The following EBF3 variants were observed in gnomAD, a reference collection of about 807,000 sequenced individuals.
The protein encoded by EBF3 is EBF transcription factor 3.
EBF3 carries 18 observed loss-of-function variants against 77.1 expected under a neutral mutation model. That is an observed-to-expected ratio of 0.23 (90% confidence interval 0.16 to 0.35). The LOEUF (loss-of-function observed/expected upper bound fraction) is 0.35, where lower values mean the gene tolerates loss of function less well. Among genes scored for constraint, EBF3 ranks in the 10% least tolerant of loss-of-function variants. The probability of loss-of-function intolerance (pLI) is 1.00; values close to 1 mark genes in which losing one functional copy is unlikely to be tolerated. For synonymous variants in EBF3, 350 were observed against 343.5 expected, an observed-to-expected ratio of 1.02 and a Z score of -0.21; for missense variants, 558 against 860.0, an observed-to-expected ratio of 0.65 and a Z score of 4.39.
At chr10:129,867,412 G>C in intron 9 of EBF3, 145 bp from the exon 10 acceptor site, 1 of 1,316,450 alleles carries the variant, frequency 7.6e-7, no homozygotes, top group Non-Finnish European at 1.0e-6. Flanking sequence ...CAGAGTCCCG[G>C]GACCTACAGT....
rs531044315 is a variant in EBF3, at chr10:129,943,928, G to A, written c.554+13330C>T. Among the ~76,000 whole-genome samples, 21 of 152,270 alleles carry A rather than the reference G, an allele frequency of 1.4e-4. No individual in the cohort carries two copies. The highest frequency in any genetic ancestry group is 1.0e-3 in the South Asian group (5 of 4,824). On this transcript the variant is annotated intron_variant, in intron 6 of 16. Coordinates refer to ENST00000440978, the MANE Select transcript of EBF3 (RefSeq NM_001375380.1). The surrounding 1 kb of genome is among the most constrained non-coding windows in gnomAD (Gnocchi z 8.8). ...CGTAAAATGCTCGGTAAAACCAGTC[G>A]CTCTGAGGGTGCAGCGCGTGTGTCC...
rs71481019 is a variant in EBF3 at position 129,917,651 on chromosome 10, C to CAAAAAAAAAAAAAA, written c.554+39593_554+39606dup. Among the ~76,000 whole-genome samples the CAAAAAAAAAAAAAA allele has an allele frequency of 8.9e-4, 21 of 23,596 alleles. 1 individual carries two copies. The highest frequency in any genetic ancestry group is 1.6e-3 in the Admixed American group (2 of 1,280). 15.5% of individuals were successfully genotyped at this position (23,596 alleles called of 152,430 possible). On this transcript the variant is annotated intron_variant, in intron 6 of 16. Coordinates refer to ENST00000440978, the MANE Select transcript of EBF3 (RefSeq NM_001375380.1). ...TGGGCACCACAGCAAGACCCTGCCT[C>CAAAAAAAAAAAAAA]AAAAAAAAAAAAAAAAAAAAAAAAA...
chr10:129,950,061 C>A (rs1325401774), intron 6 of EBF3, among the ~76,000 whole-genome samples: 1 of 149,788 alleles, frequency 6.7e-6, no homozygotes, highest in Non-Finnish European at 1.5e-5. Flanking sequence ...GCAGGGGCGG[C>A]GGCTGGAGCT....
intron 11 of EBF3, among the ~76,000 whole-genome samples, chr10:129,844,630 A>G (rs956710624): frequency 6.6e-6 from 1 of 152,062 alleles, no homozygotes; most frequent in African/African-American, 2.4e-5. Flanking sequence ...TACGGGCATC[A>G]CTTTTTGTGC....
At chr10:129,909,429 G>T (rs1051868117) in intron 6 of EBF3, among the ~76,000 whole-genome samples, 3 of 152,226 alleles carry the variant, frequency 2.0e-5, no homozygotes, top group Non-Finnish European at 4.4e-5. Flanking sequence ...TGCTGGAAAA[G>T]TAGATGGCCC....
At chr10:129,878,531 C>T (rs1009492033) in intron 6 of EBF3, among the ~76,000 whole-genome samples, 61 of 151,594 alleles carry the variant, frequency 4.0e-4, no homozygotes, top group African/African-American at 1.5e-3. Flanking sequence ...CAGCCAGGTG[C>T]GGTGGCATGT....
At chr10:129,840,800 A>C (rs1564814216) in intron 14 of EBF3, 44 bp downstream of exon 14, 1 of 1,586,426 alleles carries the variant, frequency 6.3e-7, no homozygotes, top group African/African-American at 1.3e-5. Flanking sequence ...CTCGGTAGTG[A>C]ATATGAATCT....
rs761542587 is a variant in EBF3, at chr10:129,885,790, G to A, written c.555-7941C>T. Among the ~76,000 whole-genome samples, 1 of 152,116 alleles carries A rather than the reference G, an allele frequency of 6.6e-6. No individual in the cohort carries two copies. The highest frequency in any genetic ancestry group is 1.5e-5 in the Non-Finnish European group (1 of 68,038). ...TTAAGAAAAATGCCAGCATCACTTG[G>A]CTCACAACAGACGCACCCCCCTGAC... On this transcript the variant is annotated intron_variant, in intron 6 of 16. Coordinates refer to ENST00000440978, the MANE Select transcript of EBF3 (RefSeq NM_001375380.1). This position sits in a 1 kb window ranked among gnomAD's most constrained non-coding sequence, Gnocchi z 4.0.
intron 5 of EBF3, among the ~76,000 whole-genome samples, chr10:129,958,102 C>T (rs956176050): frequency 2.6e-5 from 4 of 152,148 alleles, no homozygotes. Flanking sequence ...AGAAATTCCA[C>T]TTTATTGGTT....
intron 6 of EBF3, among the ~76,000 whole-genome samples, chr10:129,931,434 C>T (rs1857019409): frequency 6.6e-6 from 1 of 152,212 alleles, no homozygotes; most frequent in Admixed American, 6.5e-5. Flanking sequence ...ATCCTGATGG[C>T]CAAAGTGGAC....
Position 129,842,376 on chromosome 10 carries a change from C to T in EBF3, c.1195-83G>A. ...CACTCTCGGGGGCCCACCATGGTGG[C>T]ATCCCACTGTCCCTTGCCCAGACCA... On this transcript the variant is annotated intron_variant, in intron 12 of 16. Coordinates refer to ENST00000440978, the MANE Select transcript of EBF3 (RefSeq NM_001375380.1). This position sits in a 1 kb window ranked among gnomAD's most constrained non-coding sequence, Gnocchi z 4.4. The T allele has an allele frequency of 6.8e-7, 1 of 1,468,100 alleles. No individual in the cohort carries two copies. The highest frequency in any genetic ancestry group is 9.1e-7 in the Non-Finnish European group (1 of 1,097,746). 90.9% of individuals were successfully genotyped at this position (1,468,100 alleles called of 1,614,324 possible).
chr10:129,889,546 A>AC, intron 6 of EBF3, among the ~76,000 whole-genome samples: 1 of 151,968 alleles, frequency 6.6e-6, no homozygotes, highest in East Asian at 1.9e-4. Flanking sequence ...GCCTCCCTGC[A>AC]CCCCCCACCC....
At position 129,848,332 on chromosome 10, in the gene EBF3, C is replaced by T; in HGVS notation, c.1128+60G>A. ...TCCCAGAGCACCTGCTGCCCCCAAA[C>T]CAGAACCAGCCCAGTGGCGGCCCCA... On this transcript the variant is annotated intron_variant, in intron 11 of 16. Coordinates refer to ENST00000440978, the MANE Select transcript of EBF3 (RefSeq NM_001375380.1). The surrounding 1 kb of genome is among the most constrained non-coding windows in gnomAD (Gnocchi z 4.4). 2.6e-6 allele frequency: 4 copies of T among 1,558,668 alleles called. No individual in the cohort carries two copies. Among genetic ancestry groups the T allele is most frequent in the Middle Eastern group, 1.7e-4 (1 of 5,922 alleles).
chr10:129,846,285 ATGTG>A (rs1195655561), intron 11 of EBF3, among the ~76,000 whole-genome samples: 1 of 152,074 alleles, frequency 6.6e-6, no homozygotes, highest in Non-Finnish European at 1.5e-5. Context: ...ATCCAAAACA[ATGTG>A]TGTGCAATGT....
intron 6 of EBF3, among the ~76,000 whole-genome samples, chr10:129,881,367 GTCA>G (rs1296615791): frequency 6.6e-6 from 1 of 152,134 alleles, no homozygotes; most frequent in Non-Finnish European, 1.5e-5. Flanking sequence ...TCCCTAAAGA[GTCA>G]TCATCTTTCA....
intron 6 of EBF3, among the ~76,000 whole-genome samples, chr10:129,946,730 G>C (rs1011667229): frequency 6.6e-6 from 1 of 152,236 alleles, no homozygotes; most frequent in Admixed American, 6.5e-5. Context: ...ATTGTGGGGA[G>C]CAGGAAAGGG....
chr10:129,885,909 A>G lies in EBF3; in HGVS notation c.555-8060T>C, dbSNP rs928097786. Among the ~76,000 whole-genome samples, 1 of 151,766 alleles carries G rather than the reference A, an allele frequency of 6.6e-6. No individual in the cohort carries two copies. Among genetic ancestry groups the G allele is most frequent in the Admixed American group, 6.6e-5 (1 of 15,250 alleles). Reference sequence around the variant, plus strand: ...TAGGGTTTCAAGCCTCTCCCACCATACGCGTGTGTGTTTTTAGGGATCTGA... The same window carrying G: ...TAGGGTTTCAAGCCTCTCCCACCATGCGCGTGTGTGTTTTTAGGGATCTGA... On this transcript the variant is annotated intron_variant, in intron 6 of 16. Transcript: ENST00000440978. The surrounding 1 kb of genome is among the most constrained non-coding windows in gnomAD (Gnocchi z 4.0).
intron 6 of EBF3, among the ~76,000 whole-genome samples, chr10:129,931,208 T>A (rs60239754): frequency 6.6e-6 from 1 of 152,118 alleles, no homozygotes; most frequent in South Asian, 2.1e-4. Context: ...GGGTTTGTGG[T>A]TTTTTTGCCC....
intron 6 of EBF3, among the ~76,000 whole-genome samples, chr10:129,941,622 A>G (rs1857745600): frequency 6.6e-6 from 1 of 152,144 alleles, no homozygotes; most frequent in Admixed American, 6.5e-5. Context: ...GCGGCGGTGG[A>G]GGTGAGCAGG....
Sources: allele counts gnomAD v4.1 joint callset (sites outside exome capture counted in the v4.1 genomes callset), GRCh38; gene constraint gnomAD v4.1.1; non-coding constraint Gnocchi (gnomAD v3.1); transcripts MANE v1.5; gene names NCBI Gene and HGNC (gene_info 2026-07-23, HGNC 2026-07-21).